Variants in SLCO1C1 observed in about 807,000 individuals in gnomAD.
SLCO1C1 encodes OAT-RP-5.
Under a neutral mutation model 76.4 loss-of-function variants are expected in SLCO1C1, and 70 were observed. The ratio of observed to expected loss-of-function variants is 0.92; its 90% CI spans 0.76 to 1.12. The LOEUF (loss-of-function observed/expected upper bound fraction) is 1.12. Ranked by LOEUF, SLCO1C1 falls within the 50% of genes most tolerant of loss-of-function variation. The pLI, the probability that SLCO1C1 is intolerant of heterozygous loss-of-function variation, is 0.00. For synonymous variants in SLCO1C1, 306 were observed against 286.1 expected, an observed-to-expected ratio of 1.07 and a Z score of -0.70; for missense variants, 912 against 823.8, an observed-to-expected ratio of 1.11 and a Z score of -1.31.
intron 12 of SLCO1C1, among the ~76,000 whole-genome samples, chr12:20,742,484 T>A (rs1948864100): frequency 1.3e-5 from 2 of 152,112 alleles, no homozygotes; most frequent in Admixed American, 6.6e-5. Context: ...TACAGTCATA[T>A]TAATGACACT....
chr12:20,699,834 C>A, intron 2 of SLCO1C1, 129 bp downstream of exon 2: 1 of 1,112,404 alleles, frequency 9.0e-7, no homozygotes, highest in Admixed American at 3.6e-5. Context: ...ATGCAATTTA[C>A]TAAAACCACA....
intron 3 of SLCO1C1, among the ~76,000 whole-genome samples, chr12:20,705,032 C>A (rs1012745550): frequency 6.6e-6 from 1 of 151,882 alleles, no homozygotes; most frequent in Non-Finnish European, 1.5e-5. Context: ...GAATCAGAAA[C>A]GTTTGGTACT....
intron 3 of SLCO1C1, among the ~76,000 whole-genome samples, chr12:20,704,270 A>G (rs999155259): frequency 6.6e-6 from 1 of 151,548 alleles, no homozygotes; most frequent in African/African-American, 2.4e-5. Context: ...TATTACAGGT[A>G]CTGAACTCAT....
rs1460238088 is a variant in SLCO1C1 at position 20,711,385 on chromosome 12, G to A, written c.405-1G>A. 2 of 1,611,622 alleles carry A rather than the reference G, an allele frequency of 1.2e-6. No homozygotes were observed. The highest frequency in any genetic ancestry group is 1.7e-5 in the Admixed American group (1 of 59,664). On this transcript the variant is annotated splice_acceptor_variant, in intron 4 of 14. Transcript: ENST00000266509. LOFTEE classifies it high-confidence loss of function. ...ATGAAGAAAACATTCCTCTTATGCA[G>A]GTACAAATATGAGAGATATTCTCCT...
chr12:20,699,801 T>TAA, intron 2 of SLCO1C1, 96 bp downstream of exon 2: 1 of 1,317,958 alleles, frequency 7.6e-7, no homozygotes, highest in African/African-American at 1.6e-5. Context: ...GTTTTCTCCT[T>TAA]TAAAAAAAAA....
chr12:20,700,540 C>T (rs1016968898), intron 2 of SLCO1C1, among the ~76,000 whole-genome samples: 6 of 151,574 alleles, frequency 4.0e-5, no homozygotes, highest in Admixed American at 4.0e-4. Flanking sequence ...TGTTGGTGTG[C>T]TGCACCCGTT....
rs115023690 is a variant in SLCO1C1 at position 20,696,177 on chromosome 12, G to C, written c.-26+370G>C. On this transcript the variant is annotated intron_variant, in intron 1 of 14. Coordinates refer to ENST00000266509, the MANE Select transcript of SLCO1C1 (RefSeq NM_017435.5). Reference sequence around the variant, plus strand: ...AATAGTACTTATTAAATCTGAATCTGACACAGATAATTTGTATTAGGTGAG... The same window carrying C: ...AATAGTACTTATTAAATCTGAATCTCACACAGATAATTTGTATTAGGTGAG... 1.8e-3 allele frequency among the ~76,000 whole-genome samples: 267 copies of C among 152,252 alleles called. 2 individuals carry two copies. Among genetic ancestry groups the C allele is most frequent in the African/African-American group, 6.0e-3 (251 of 41,570 alleles).
intron 14 of SLCO1C1, 92 bp from the exon 15 acceptor site, chr12:20,752,214 A>G: frequency 1.2e-6 from 1 of 822,532 alleles, no homozygotes; most frequent in Non-Finnish European, 1.8e-6. Flanking sequence ...TACATTCTTA[A>G]AGAAAACCAT....
intron 7 of SLCO1C1, 127 bp from the exon 8 acceptor site, chr12:20,721,677 T>C (rs1026786643): frequency 2.6e-6 from 3 of 1,164,220 alleles, no homozygotes; most frequent in Non-Finnish European, 3.5e-6. Context: ...AAAAAAAAAA[T>C]AGCATAGATG....
chr12:20,708,685 C>A (rs931071153), intron 4 of SLCO1C1, among the ~76,000 whole-genome samples: 1 of 152,098 alleles, frequency 6.6e-6, no homozygotes, highest in Non-Finnish European at 1.5e-5. Context: ...GCATGGATGA[C>A]CTGCAAGGAG....
intron 13 of SLCO1C1, among the ~76,000 whole-genome samples, chr12:20,746,796 A>G (rs2120919508): frequency 6.7e-6 from 1 of 149,314 alleles, no homozygotes; most frequent in South Asian, 2.2e-4. Context: ...GGCATATCCT[A>G]TGGGACTTGG....
At chr12:20,726,725 T>A (rs1040475426) in intron 9 of SLCO1C1, among the ~76,000 whole-genome samples, 1 of 152,166 alleles carries the variant, frequency 6.6e-6, no homozygotes, top group African/African-American at 2.4e-5. Context: ...TATTTTGGAA[T>A]AGGGAGTATG....
Position 20,730,146 on chromosome 12 carries a change from G to T in SLCO1C1, c.1187-2763G>T, listed in dbSNP as rs75796639. Reference sequence around the variant, plus strand: ...AAAATGCTAGAAACATGCTCTGAAGGTTTCAGTTCGGAGTTTGGTTTTCAG... The same window carrying T: ...AAAATGCTAGAAACATGCTCTGAAGTTTTCAGTTCGGAGTTTGGTTTTCAG... On this transcript the variant is annotated intron_variant, in intron 9 of 14. Coordinates refer to ENST00000266509, the MANE Select transcript of SLCO1C1 (RefSeq NM_017435.5). Among the ~76,000 whole-genome samples the T allele has an allele frequency of 5.3e-3, 809 of 152,194 alleles. 5 individuals are homozygous for T. Among genetic ancestry groups the T allele is most frequent in the Non-Finnish European group, 7.4e-3 (503 of 68,006 alleles).
intron 10 of SLCO1C1, 129 bp from the exon 11 acceptor site, chr12:20,736,978 A>G (rs1229657425): frequency 1.5e-6 from 1 of 645,334 alleles, no homozygotes; most frequent in Non-Finnish European, 2.3e-6. Flanking sequence ...TTCTGATGAC[A>G]ACTGTGTTTC....
At chr12:20,701,502 C>T in intron 3 of SLCO1C1, 43 bp downstream of exon 3, 1 of 1,396,156 alleles carries the variant, frequency 7.2e-7, no homozygotes, top group Non-Finnish European at 9.5e-7. Context: ...AGCCCAAGAT[C>T]TTCTAGGTGT....
intron 2 of SLCO1C1, 90 bp downstream of exon 2, chr12:20,699,795 T>C (rs1946432478): frequency 7.4e-7 from 1 of 1,352,376 alleles, no homozygotes; most frequent in Non-Finnish European, 9.7e-7. Context: ...AGAATTGTTT[T>C]CTCCTTTAAA....
chr12:20,716,332 G>T (rs1399764567), intron 6 of SLCO1C1, among the ~76,000 whole-genome samples: 1 of 152,210 alleles, frequency 6.6e-6, no homozygotes, highest in African/African-American at 2.4e-5. Flanking sequence ...GAAGCATACA[G>T]GTGCTTAGGT....
intron 13 of SLCO1C1, among the ~76,000 whole-genome samples, chr12:20,748,779 T>C (rs1949162908): frequency 6.6e-6 from 1 of 152,188 alleles, no homozygotes; most frequent in African/African-American, 2.4e-5. Flanking sequence ...CTTGTGAGTA[T>C]GTCCAGGTAA....
intron 14 of SLCO1C1, 164 bp downstream of exon 14, chr12:20,750,956 T>A: frequency 7.5e-7 from 1 of 1,336,048 alleles, no homozygotes; most frequent in East Asian, 2.5e-5. Flanking sequence ...TATTATTATT[T>A]GATTAGATCT....
Sources: allele counts gnomAD v4.1 joint callset (sites outside exome capture counted in the v4.1 genomes callset), GRCh38; gene constraint gnomAD v4.1.1; transcripts MANE v1.5; gene names NCBI Gene and HGNC (gene_info 2026-07-23, HGNC 2026-07-21).